The following SAMD5 variants were observed in gnomAD, a reference collection of about 807,000 sequenced individuals.
SAMD5 encodes the protein sterile alpha motif domain containing 5, also known as sterile alpha motif domain-containing protein 5.
Under a neutral mutation model 11.3 loss-of-function variants are expected in SAMD5, and 13 were observed. The ratio of observed to expected loss-of-function variants is 1.15; its 90% CI spans 0.75 to 1.83. The LOEUF (loss-of-function observed/expected upper bound fraction) is 1.83, where lower values mean the gene tolerates loss of function less well. Among genes scored for constraint, SAMD5 ranks in the 40% most tolerant of loss-of-function variants. SAMD5 has a pLI of 0.00. For synonymous variants in SAMD5, 129 were observed against 111.3 expected (o/e 1.16, Z -1.00); for missense variants, 255 against 239.1 (o/e 1.07, Z -0.44).
At chr6:147,556,716 G>A (rs902567833) in intron 1 of SAMD5, among the ~76,000 whole-genome samples, 1 of 152,152 alleles carries the variant, frequency 6.6e-6, no homozygotes, top group Non-Finnish European at 1.5e-5. Context: ...TGAAAACTTT[G>A]TAGAGCTCAA....
chr6:147,697,410 C>T (rs1562354069), intron 1 of SAMD5, among the ~76,000 whole-genome samples: 1 of 152,296 alleles, frequency 6.6e-6, no homozygotes, highest in East Asian at 1.9e-4. Context: ...CTTCCACTCA[C>T]ATCTGCATGA....
chr6:147,850,947 CTTTT>C, the SAMD5 span, among the ~76,000 whole-genome samples: 1 of 133,464 alleles, frequency 7.5e-6, no homozygotes, highest in Non-Finnish European at 1.6e-5. Flanking sequence ...TATAATTGTT[CTTTT>C]TTTTTTTTTT....
the SAMD5 span, among the ~76,000 whole-genome samples, chr6:147,762,008 T>A: frequency 1.1e-4 from 16 of 152,094 alleles, no homozygotes; most frequent in African/African-American, 3.6e-4. Flanking sequence ...CCACCACGCC[T>A]GGCCTTTTTT....
At chr6:147,797,873 C>G in the SAMD5 span, among the ~76,000 whole-genome samples, 2 of 151,102 alleles carry the variant, frequency 1.3e-5, no homozygotes, top group Non-Finnish European at 2.9e-5. Context: ...TTGTAGTATT[C>G]TCTGATGGTA....
intron 1 of SAMD5, among the ~76,000 whole-genome samples, chr6:147,616,662 C>A (rs891282025): frequency 6.6e-6 from 1 of 151,940 alleles, no homozygotes; most frequent in Non-Finnish European, 1.5e-5. Flanking sequence ...AAAGAAATAC[C>A]CGAGACTGAG....
intron 1 of SAMD5, among the ~76,000 whole-genome samples, chr6:147,683,100 A>G (rs1357922276): frequency 6.6e-6 from 1 of 152,238 alleles, no homozygotes; most frequent in African/African-American, 2.4e-5. Context: ...ACTCTGCCTC[A>G]TGACAGGGAA....
At chr6:147,945,467 C>A in the SAMD5 span, among the ~76,000 whole-genome samples, 117,508 of 152,136 alleles carry the variant, frequency 0.77, 45,924 homozygotes, top group Non-Finnish European at 0.84. Context: ...AAATACATGT[C>A]AGATGCTCAT....
At chr6:147,875,764 C>T in the SAMD5 span, among the ~76,000 whole-genome samples, 4 of 152,102 alleles carry the variant, frequency 2.6e-5, no homozygotes, top group Admixed American at 2.0e-4. Flanking sequence ...CTAGGTTGCA[C>T]GTTCCTTATG....
intron 1 of SAMD5, among the ~76,000 whole-genome samples, chr6:147,665,000 G>T (rs1790698515): frequency 6.6e-6 from 1 of 152,044 alleles, no homozygotes; most frequent in African/African-American, 2.4e-5. Context: ...AGATTGTAAA[G>T]AAACAAGTGG....
intron 1 of SAMD5, among the ~76,000 whole-genome samples, chr6:147,529,257 T>C (rs994608891): frequency 2.0e-5 from 3 of 152,180 alleles, no homozygotes; most frequent in African/African-American, 7.2e-5. Flanking sequence ...ATCAAATAAG[T>C]TTTCATAGGT....
the SAMD5 span, among the ~76,000 whole-genome samples, chr6:147,782,080 A>C: frequency 6.6e-6 from 1 of 151,784 alleles, no homozygotes; most frequent in Non-Finnish European, 1.5e-5. Flanking sequence ...GGTGCAATAC[A>C]TTCCAGTTTA....
chr6:147,587,239 T>C (rs531666320), intron 1 of SAMD5, among the ~76,000 whole-genome samples: 19 of 152,256 alleles, frequency 1.2e-4, no homozygotes, highest in African/African-American at 4.6e-4. Flanking sequence ...TGTTTGTTTG[T>C]TTGTTTTTTG....
At chr6:147,734,668 G>C (rs1053491052) in intron 1 of SAMD5, among the ~76,000 whole-genome samples, 2 of 124,702 alleles carry the variant, frequency 1.6e-5, no homozygotes, top group Admixed American at 1.1e-4. Context: ...AGCCGAGATC[G>C]TGCCACTGCA....
intron 1 of SAMD5, among the ~76,000 whole-genome samples, chr6:147,598,999 A>G (rs1489814719): frequency 6.6e-6 from 1 of 152,230 alleles, no homozygotes; most frequent in Non-Finnish European, 1.5e-5. Context: ...GAACGCTGAC[A>G]CTGTGTCATG....
the SAMD5 span, among the ~76,000 whole-genome samples, chr6:147,873,333 C>T: frequency 2.6e-4 from 39 of 150,956 alleles, 1 homozygote; most frequent in Admixed American, 1.7e-3. Flanking sequence ...GCCAAGATCG[C>T]GCCACTGCAC....
chr6:147,574,127 CA>C (rs146944147), downstream of SAMD5, among the ~76,000 whole-genome samples: 1,733 of 130,512 alleles, frequency 0.013, 28 homozygotes, highest in African/African-American at 0.047. Flanking sequence ...GACTGTGTCT[CA>C]AAAAAAAAAA....
At chr6:147,857,494 A>T in the SAMD5 span, among the ~76,000 whole-genome samples, 2 of 151,818 alleles carry the variant, frequency 1.3e-5, no homozygotes, top group Admixed American at 6.6e-5. Context: ...AGCCTGAGTG[A>T]CAGAGCAAGA....
chr6:147,639,035 G>C lies in SAMD5; in HGVS notation c.163-98282G>C, dbSNP rs567424208. Among the ~76,000 whole-genome samples the C allele has an allele frequency of 4.8e-4, 73 of 152,298 alleles. No homozygotes were observed. In the South Asian group the frequency reaches 0.012, roughly 26 times the overall value. On this transcript the variant is annotated intron_variant, in intron 1 of 1. Transcript: ENST00000566741. ...GCTGACCTGGGTGAGTTCTGTGCCA[G>C]GCATTGTGCTATCTATTGTGATTCT...
chr6:147,573,139 A>G (rs1789160886), downstream of SAMD5, among the ~76,000 whole-genome samples: 1 of 152,208 alleles, frequency 6.6e-6, no homozygotes, highest in African/African-American at 2.4e-5. Context: ...AATGGACATG[A>G]GAGCTTTGAA....
Sources: allele counts gnomAD v4.1 joint callset (sites outside exome capture counted in the v4.1 genomes callset), GRCh38; gene constraint gnomAD v4.1.1; transcripts MANE v1.5; gene names NCBI Gene and HGNC (gene_info 2026-07-23, HGNC 2026-07-21).